Variants in ATP13A4 observed in about 807,000 individuals in gnomAD.
ATP13A4 encodes the protein ATPase 13A4, also known as probable cation-transporting ATPase 13A4.
ATP13A4 carries 114 observed loss-of-function variants against 142.5 expected under a neutral mutation model. The observed-to-expected ratio is 0.80, with a 90% CI of 0.69 to 0.93. The LOEUF (loss-of-function observed/expected upper bound fraction) is 0.93. ATP13A4 is among the 40% of genes least tolerant of loss of function. The pLI is 0.00. For missense variants in ATP13A4, 1,392 were observed against 1,454.0 expected, an observed-to-expected ratio of 0.96 and a Z score of 0.69; for synonymous variants, 488 against 514.8, an observed-to-expected ratio of 0.95 and a Z score of 0.70.
At chr3:193,530,131 A>G (rs927563617) in intron 1 of ATP13A4, among the ~76,000 whole-genome samples, 3 of 152,148 alleles carry the variant, frequency 2.0e-5, no homozygotes, top group Non-Finnish European at 2.9e-5. Context: ...AATATGTCCT[A>G]TAACTACTCA....
intron 1 of ATP13A4, chr3:193,554,375 T>G (rs1723771320): frequency 2.9e-6 from 1 of 339,310 alleles, no homozygotes; most frequent in Non-Finnish European, 5.7e-6. Context: ...ACACTGCTCC[T>G]CACATTAGGG....
intron 2 of ATP13A4, among the ~76,000 whole-genome samples, chr3:193,510,237 C>T (rs2108682040): frequency 6.6e-6 from 1 of 152,276 alleles, no homozygotes; most frequent in South Asian, 2.1e-4. Context: ...ATTCGCGTGG[C>T]TGATTGGCAG....
intron 2 of ATP13A4, among the ~76,000 whole-genome samples, chr3:193,578,466 T>C (rs1241772460): frequency 1.3e-5 from 2 of 152,112 alleles, no homozygotes; most frequent in Non-Finnish European, 2.9e-5. Flanking sequence ...AAAATAAAAT[T>C]AGGTCATTCT....
At chr3:193,577,556 T>C (rs970840385) in intron 2 of ATP13A4, among the ~76,000 whole-genome samples, 4 of 152,236 alleles carry the variant, frequency 2.6e-5, no homozygotes, top group Non-Finnish European at 4.4e-5. Flanking sequence ...GAACATTGTA[T>C]TTTGTATTTG....
intron 8 of ATP13A4, among the ~76,000 whole-genome samples, chr3:193,482,918 C>A (rs1355122189): frequency 6.6e-6 from 1 of 152,160 alleles, no homozygotes; most frequent in Non-Finnish European, 1.5e-5. Context: ...AATGAAAGAG[C>A]ATGTCTATAC....
At chr3:193,560,742 C>T (rs1577081609) in intron 2 of ATP13A4, among the ~76,000 whole-genome samples, 3 of 152,294 alleles carry the variant, frequency 2.0e-5, no homozygotes, top group Admixed American at 2.0e-4. Flanking sequence ...AAAATCTGTG[C>T]TTGGGGAGCT....
At chr3:193,443,244 A>G (rs1376437016) in intron 18 of ATP13A4, among the ~76,000 whole-genome samples, 2 of 152,216 alleles carry the variant, frequency 1.3e-5, no homozygotes, top group Non-Finnish European at 2.9e-5. Flanking sequence ...AGAGAGCCAG[A>G]CACAGGGACT....
chr3:193,507,074 G>T (rs900585515), intron 2 of ATP13A4, among the ~76,000 whole-genome samples: 1 of 152,116 alleles, frequency 6.6e-6, no homozygotes, highest in East Asian at 1.9e-4. Context: ...CTCTTGTATA[G>T]TTCACTACAC....
intron 8 of ATP13A4, among the ~76,000 whole-genome samples, chr3:193,479,039 C>T (rs1719136188): frequency 6.6e-6 from 1 of 152,034 alleles, no homozygotes; most frequent in Non-Finnish European, 1.5e-5. Flanking sequence ...TCAATAGATG[C>T]ATAAAAAGCA....
Position 193,400,402 on chromosome 3 carries a change from G to A in ATP13A4, c.*2250C>T, listed in dbSNP as rs900427973. ...AGCAACTCAAAGTCTCAGAAAGACA[G>A]ACAATCATTTTTTTGTTTTGTTTTG... On this transcript the variant is annotated 3_prime_UTR_variant, in exon 30 of 30. Transcript: ENST00000342695. 2.0e-5 allele frequency among the ~76,000 whole-genome samples: 3 copies of A among 152,210 alleles called. No individual in the cohort carries two copies. Among genetic ancestry groups the A allele is most frequent in the Admixed American group, 6.5e-5 (1 of 15,280 alleles).
chr3:193,416,057 T>TG lies in ATP13A4; in HGVS notation c.2843-1308dup, dbSNP rs554991433. Among the ~76,000 whole-genome samples, 4 of 152,334 alleles carry TG rather than the reference T, an allele frequency of 2.6e-5. No individual in the cohort carries two copies. In the East Asian group the frequency reaches 7.7e-4, roughly 29 times the overall value. ...TGTAAGGACTGGAGAAGGTTTTGTT[T>TG]GTTTGTTTGTTTGTTTTTTCACTCC... On this transcript the variant is annotated intron_variant, in intron 25 of 29. Coordinates refer to ENST00000342695, the MANE Select transcript of ATP13A4 (RefSeq NM_032279.4).
chr3:193,399,269 C>G lies in ATP13A4; in HGVS notation c.*3383G>C, dbSNP rs976279953. On this transcript the variant is annotated 3_prime_UTR_variant, in exon 30 of 30. Coordinates refer to ENST00000342695, the MANE Select transcript of ATP13A4 (RefSeq NM_032279.4). The stretch of plus-strand genomic sequence containing the variant: ...GAAAGTGTATTGATAACAGGTTGCT[C>G]CGCCCTCAAGTTTAGGGCACTCTCC... Among the ~76,000 whole-genome samples, 1 of 152,106 alleles carries G rather than the reference C, an allele frequency of 6.6e-6. No homozygotes were observed. The highest frequency in any genetic ancestry group is 1.5e-5 in the Non-Finnish European group (1 of 68,022).
upstream of ATP13A4, among the ~76,000 whole-genome samples, chr3:193,556,488 T>C (rs990918379): frequency 1.1e-4 from 16 of 143,474 alleles, no homozygotes; most frequent in African/African-American, 3.9e-4. Context: ...TGTACGTGTG[T>C]GTGTATGTGT....
intron 25 of ATP13A4, among the ~76,000 whole-genome samples, chr3:193,419,182 G>C (rs1560174578): frequency 6.7e-6 from 1 of 149,976 alleles, no homozygotes; most frequent in African/African-American, 2.5e-5. Flanking sequence ...CTTAGTCACT[G>C]CTGCACCCTG....
At chr3:193,501,937 G>A (rs145693587) in intron 3 of ATP13A4, among the ~76,000 whole-genome samples, 3 of 152,270 alleles carry the variant, frequency 2.0e-5, no homozygotes, top group Admixed American at 2.0e-4. Flanking sequence ...CTGTTACATA[G>A]ATTGTAATAT....
At chr3:193,515,183 C>T (rs1721341684) in intron 1 of ATP13A4, among the ~76,000 whole-genome samples, 3 of 152,292 alleles carry the variant, frequency 2.0e-5, no homozygotes, top group African/African-American at 4.8e-5. Context: ...CCAATCATGC[C>T]TATCCCTGTG....
intron 1 of ATP13A4, among the ~76,000 whole-genome samples, chr3:193,548,724 G>A (rs2108726091): frequency 6.6e-6 from 1 of 152,252 alleles, no homozygotes; most frequent in South Asian, 2.1e-4. Context: ...CAAGTAATTG[G>A]TGGAAAAAAA....
At chr3:193,484,129 G>C in intron 7 of ATP13A4, 124 bp from the exon 8 acceptor site, 1 of 824,442 alleles carries the variant, frequency 1.2e-6, no homozygotes, top group Non-Finnish European at 2.1e-6. Flanking sequence ...GAATGTACTG[G>C]CTAAAAACAA....
At chr3:193,544,764 A>G (rs1723130889) in intron 1 of ATP13A4, among the ~76,000 whole-genome samples, 1 of 152,228 alleles carries the variant, frequency 6.6e-6, no homozygotes. Context: ...TGCTAAACTA[A>G]TAAGTACTGT....
Sources: allele counts gnomAD v4.1 joint callset (sites outside exome capture counted in the v4.1 genomes callset), GRCh38; gene constraint gnomAD v4.1.1; transcripts MANE v1.5; gene names NCBI Gene and HGNC (gene_info 2026-07-23, HGNC 2026-07-21).